The following EXOSC3 variants were observed in gnomAD, a reference collection of about 807,000 sequenced individuals.
The protein encoded by EXOSC3 is exosome component 3.
Under a neutral mutation model 25.1 loss-of-function variants are expected in EXOSC3, and 18 were observed. The ratio of observed to expected loss-of-function variants is 0.72; its 90% confidence interval spans 0.50 to 1.06. EXOSC3 has a LOEUF of 1.06. Among genes scored for constraint, EXOSC3 ranks in the 50% least tolerant of loss-of-function variants. The pLI, the probability that EXOSC3 is intolerant of heterozygous loss-of-function variation, is 0.00. For synonymous variants in EXOSC3, 165 were observed against 132.2 expected (o/e 1.25, Z -1.70); for missense variants, 382 against 350.9 (o/e 1.09, Z -0.71).
rs1481141170 is a variant in EXOSC3, at chr9:37,784,930, G to T, written c.115C>A (p.Gln39Lys). The T allele has an allele frequency of 6.2e-7, 1 of 1,610,960 alleles. No homozygotes were observed. The highest frequency in any genetic ancestry group is 1.1e-5 in the South Asian group (1 of 90,406). ...LPGEELLLPE[Q>K]EDAEGPGGAV... is the part of the protein sequence containing the mutation. ...CCCCCAGGGCCTTCCGCGTCCTCCT[G>T]TTCCGGCAGGAGCAGCTCCTCACCC... Residue 39 changes from glutamine to lysine, a missense_variant, in exon 1 of 4, where the codon CAG becomes AAG. Gln to Lys is a moderately conservative substitution (Grantham distance 53, BLOSUM62 1). Transcript: ENST00000327304.
At chr9:37,783,533 C>G (rs2118979587) in intron 2 of EXOSC3, among the ~76,000 whole-genome samples, 1 of 152,212 alleles carries the variant, frequency 6.6e-6, no homozygotes, top group South Asian at 2.1e-4. Context: ...GGACCTACAG[C>G]CAGGATGGAT....
intron 1 of EXOSC3, 65 bp downstream of exon 1, chr9:37,784,656 G>C: frequency 1.4e-6 from 2 of 1,473,178 alleles, no homozygotes; most frequent in Non-Finnish European, 1.8e-6. Context: ...CTTCTTTTGG[G>C]AGGTCTTCTC....
At chr9:37,781,460 T>TGGGTAA (rs1828594403) in intron 3 of EXOSC3, among the ~76,000 whole-genome samples, 2 of 150,334 alleles carry the variant, frequency 1.3e-5, no homozygotes, top group South Asian at 4.2e-4. Context: ...CAGCTTTGGG[T>TGGGTAA]GGGTAAAGTT....
chr9:37,783,247 G>A (rs1828634038), intron 2 of EXOSC3, among the ~76,000 whole-genome samples: 1 of 152,190 alleles, frequency 6.6e-6, no homozygotes, highest in African/African-American at 2.4e-5. Flanking sequence ...TAAAAGCGTG[G>A]AGGCAGGGAT....
At position 37,782,859 on chromosome 9, in the gene EXOSC3, G is replaced by C. The variant is rs143717362; in HGVS notation, c.475-722C>G. Among the ~76,000 whole-genome samples the C allele has an allele frequency of 2.8e-3, 428 of 152,260 alleles. 3 individuals carry two copies. Among genetic ancestry groups the C allele is most frequent in the African/African-American group, 9.8e-3 (406 of 41,546 alleles). ...ATTTGGTCTTGGAGGGCAGTGGGGA[G>C]GTACATATAAACAAACCTCAGTCAA... On this transcript the variant is annotated intron_variant, in intron 2 of 3. Transcript: ENST00000327304.
intron 1 of EXOSC3, 34 bp downstream of exon 1, chr9:37,784,687 A>T: frequency 6.4e-7 from 1 of 1,556,244 alleles, no homozygotes; most frequent in East Asian, 2.3e-5. Context: ...TACCACTCTC[A>T]CTGCCGCACC....
chr9:37,785,055 A>T lies in EXOSC3; in HGVS notation c.-11T>A. The T allele has an allele frequency of 6.3e-7, 1 of 1,586,466 alleles. No individual in the cohort carries two copies. Among genetic ancestry groups the T allele is most frequent in the Non-Finnish European group, 8.6e-7 (1 of 1,165,060 alleles). On this transcript the variant is annotated 5_prime_UTR_variant, in exon 1 of 4. Transcript: ENST00000327304. ...CGCAGGTTCGGCCATCGCGGGCTCC[A>T]CCAAACACCGTTTCCGGTACCCGCC...
chr9:37,779,742 T>C lies in EXOSC3; in HGVS notation c.*937A>G, dbSNP rs1828517336. ...GTCTTTATCAACAAATAGAGTTCTATAATCTCTTTGATCCAAAAAGGACTT... is the reference window on the plus strand; with the variant it reads ...GTCTTTATCAACAAATAGAGTTCTACAATCTCTTTGATCCAAAAAGGACTT... On this transcript the variant is annotated 3_prime_UTR_variant, in exon 4 of 4. Transcript: ENST00000327304. The C allele has an allele frequency of 6.6e-6, 1 of 152,242 alleles. No individual in the cohort carries two copies. The highest frequency in any genetic ancestry group is 2.4e-5 in the African/African-American group (1 of 41,462). The allele number at this position is 152,242 out of a possible 1,614,324, so 9.4% of individuals were successfully genotyped here. A position where few individuals can be genotyped will look rare whatever the true frequency, so the allele number is the denominator to read the frequency against.
rs565320740 is a variant in EXOSC3, at chr9:37,780,725, G to A, written c.782C>T (p.Thr261Met). The change falls in exon 4 of 4, where the codon ACG becomes ATG. Residue 261 changes from threonine (T) to methionine (M), a missense_variant. Coordinates refer to ENST00000327304, the MANE Select transcript of EXOSC3 (RefSeq NM_016042.4). ...ANILEACEHM[T>M]SDQRKQIFSR... ...GAAGATCTGTTTTCTTTGATCTGAC[G>A]TCATGTGTTCACAAGCTTCTAAAAT... The A allele has an allele frequency of 9.9e-6, 16 of 1,613,870 alleles. No homozygotes were observed. Among genetic ancestry groups the A allele is most frequent in the African/African-American group, 5.3e-5 (4 of 75,020 alleles).
chr9:37,784,470 G>A (rs928438731), intron 1 of EXOSC3: 6 of 554,878 alleles, frequency 1.1e-5, no homozygotes, highest in African/African-American at 7.5e-5. Context: ...GGCCTGCTGT[G>A]GGGTTTTGAA....
intron 1 of EXOSC3, 95 bp from the exon 2 acceptor site, chr9:37,784,158 T>C (rs1017028067): frequency 7.4e-7 from 1 of 1,343,848 alleles, no homozygotes; most frequent in East Asian, 2.4e-5. Flanking sequence ...TTTATTGTCA[T>C]TAAAGAGAAA....
At chr9:37,784,398 A>G (rs1828659877) in intron 1 of EXOSC3, 1 of 481,916 alleles carries the variant, frequency 2.1e-6, no homozygotes. Context: ...TCTAGGAGAA[A>G]TTAACTCCCT....
At chr9:37,781,528 C>A (rs1286006173) in intron 3 of EXOSC3, among the ~76,000 whole-genome samples, 2 of 151,720 alleles carry the variant, frequency 1.3e-5, no homozygotes, top group East Asian at 3.9e-4. Flanking sequence ...TCAGTATGAC[C>A]AAGTGTCAGA....
chr9:37,783,075 G>A (rs1164657623), intron 2 of EXOSC3, among the ~76,000 whole-genome samples: 5 of 152,324 alleles, frequency 3.3e-5, no homozygotes, highest in African/African-American at 1.2e-4. Context: ...GTTTAATGGC[G>A]TTTGGTGTGA....
Position 37,785,008 on chromosome 9 carries a change from CGA to C in EXOSC3, c.35_36del (p.Leu12ArgfsTer20), listed in dbSNP as rs1423492715. 1 of 1,604,420 alleles carries C rather than the reference CGA, an allele frequency of 6.2e-7. No individual in the cohort carries two copies. Among genetic ancestry groups the C allele is most frequent in the Non-Finnish European group, 8.5e-7 (1 of 1,174,138 alleles). ...CGTGCAGCGCGCGCCCTGCTGCCCG[CGA>C]GAGATTCAGCCGCGACAGACGCAGG... The part of the protein sequence containing the change: ...AEPASVAAES[L>X]AGSRARAART... On this transcript the variant is annotated frameshift_variant, in exon 1 of 4. Coordinates refer to ENST00000327304, the MANE Select transcript of EXOSC3 (RefSeq NM_016042.4). LOFTEE classifies it high-confidence loss of function.
At chr9:37,781,724 A>C (rs562722636) in intron 3 of EXOSC3, 2 of 379,896 alleles carry the variant, frequency 5.3e-6, no homozygotes, top group Non-Finnish European at 9.4e-6. Context: ...CCTGGGAAGG[A>C]AGATATGAAT....
At chr9:37,782,764 T>G (rs527443245) in intron 2 of EXOSC3, among the ~76,000 whole-genome samples, 1 of 152,322 alleles carries the variant, frequency 6.6e-6, no homozygotes, top group South Asian at 2.1e-4. Flanking sequence ...CAAAACGTAT[T>G]AAGTACCTAC....
intron 1 of EXOSC3, chr9:37,784,318 G>A (rs1589061053): frequency 4.0e-6 from 2 of 494,078 alleles, no homozygotes; most frequent in South Asian, 3.3e-5. Flanking sequence ...AAGTCCAGTG[G>A]CAAAGGAATC....
In EXOSC3 at chr9:37,780,528, T is replaced by G; in HGVS notation, c.*151A>C. On this transcript the variant is annotated 3_prime_UTR_variant, in exon 4 of 4. Transcript: ENST00000327304. Reference sequence around the variant, plus strand: ...AATGATTTTCTCTCCCACAAAAGCGTGGGTGAAAACCAGTAACTTATAAAA... The same window carrying G: ...AATGATTTTCTCTCCCACAAAAGCGGGGGTGAAAACCAGTAACTTATAAAA... 1 of 636,606 alleles carries G rather than the reference T, an allele frequency of 1.6e-6. No homozygotes were observed. Among genetic ancestry groups the G allele is most frequent in the Non-Finnish European group, 2.7e-6 (1 of 372,124 alleles). The allele number at this position is 636,606 out of a possible 1,614,324, so 39.4% of individuals were successfully genotyped here.
Sources: gnomAD v4.1 joint callset for allele counts (sites outside exome capture counted in the v4.1 genomes callset) on GRCh38, gnomAD v4.1.1 for gene constraint, MANE v1.5 for transcripts, NCBI Gene and HGNC (gene_info 2026-07-23, HGNC 2026-07-21) for gene names.